Variants in C5 observed in about 807,000 individuals in gnomAD.
C5 encodes complement C5.
In C5, 140 loss-of-function variants were observed where a neutral mutation model predicts 218.8. The observed-to-expected ratio is 0.64, with a 90% CI of 0.56 to 0.74. The LOEUF (loss-of-function observed/expected upper bound fraction) is 0.74, where lower values mean the gene tolerates loss of function less well. C5 is among the 30% of genes least tolerant of loss of function. The probability of loss-of-function intolerance (pLI) is 0.00; values close to 1 mark genes in which losing one functional copy is unlikely to be tolerated. For missense variants in C5, 1,700 were observed against 1,969.6 expected, an observed-to-expected ratio of 0.86 and a Z score of 2.59; for synonymous variants, 614 against 682.3, an observed-to-expected ratio of 0.90 and a Z score of 1.56.
chr9:120,970,135 A>C, intron 32 of C5, 35 bp downstream of exon 32: 1 of 1,428,030 alleles, frequency 7.0e-7, no homozygotes, highest in African/African-American at 1.4e-5. Flanking sequence ...CTTTATTTTT[A>C]GCCAAAATTA....
chr9:120,956,179 A>G (rs1472890783), intron 39 of C5, among the ~76,000 whole-genome samples: 1 of 152,186 alleles, frequency 6.6e-6, no homozygotes. Context: ...CTGTAATCCC[A>G]GCTACTCAGG....
intron 10 of C5, 54 bp downstream of exon 10, chr9:121,023,350 T>A (rs2047383166): frequency 9.0e-7 from 1 of 1,109,784 alleles, no homozygotes; most frequent in African/African-American, 1.5e-5. Flanking sequence ...ATGTTTTCCA[T>A]GAACAGAACA....
chr9:120,997,675 C>T lies in C5; in HGVS notation c.2662G>A (p.Val888Ile). The change falls in exon 21 of 41, where the codon GTA (valine) becomes ATA (isoleucine). Residue 888 changes from valine (V) to isoleucine (I), a missense_variant. Val to Ile is a conservative substitution (Grantham distance 29). Coordinates refer to ENST00000223642, the MANE Select transcript of C5 (RefSeq NM_001735.3). ...TKSSKCVRQK[V>I]EGSSSHLVTF... ...ACCAAGTGACTGGAGGAGCCCTCTACTTTCTGGCGCACACATTTGGAGGAC... is the reference window on the plus strand; with the variant it reads ...ACCAAGTGACTGGAGGAGCCCTCTATTTTCTGGCGCACACATTTGGAGGAC... The T allele has an allele frequency of 6.2e-7, 1 of 1,614,212 alleles. No individual in the cohort carries two copies. Among genetic ancestry groups the T allele is most frequent in the Non-Finnish European group, 8.5e-7 (1 of 1,180,020 alleles).
At chr9:121,059,666 T>C in the C5 span, among the ~76,000 whole-genome samples, 1 of 152,222 alleles carries the variant, frequency 6.6e-6, no homozygotes. This position sits in a 1 kb window ranked among gnomAD's most constrained non-coding sequence, Gnocchi z 4.1. Context: ...ATCTGACCAA[T>C]AGAATACAGC....
Position 120,997,761 on chromosome 9 carries a change from A to T in C5, c.2576T>A (p.Met859Lys). ...RTSGMQFCVK[M>K]SAVEGICTSE... is the part of the protein sequence containing the mutation. ...AGTGCAGATTCCCTCCACAGCAGACATTTTAACACAGAACTGAAATACAAG... is the reference window on the plus strand; with the variant it reads ...AGTGCAGATTCCCTCCACAGCAGACTTTTTAACACAGAACTGAAATACAAG... Residue 859 changes from methionine to lysine, a missense_variant, in exon 21 of 41, where the codon ATG (methionine) becomes AAG (lysine). Coordinates refer to ENST00000223642, the MANE Select transcript of C5 (RefSeq NM_001735.3). 1 of 1,613,690 alleles carries T rather than the reference A, an allele frequency of 6.2e-7. No homozygotes were observed. Among genetic ancestry groups the T allele is most frequent in the Non-Finnish European group, 8.5e-7 (1 of 1,179,832 alleles).
At position 120,962,692 on chromosome 9, in the gene C5, CTG is replaced by C; in HGVS notation, c.4481_4482del (p.Thr1494SerfsTer9). 6.2e-7 allele frequency: 1 copy of C among 1,612,896 alleles called. No individual in the cohort carries two copies. Among genetic ancestry groups the C allele is most frequent in the Non-Finnish European group, 8.5e-7 (1 of 1,178,878 alleles). ...TTACCTGGTCTGTGGTATTCGTACA[CTG>C]TGAAAGTGGCAGGACTGAGAAACCC... ...EVGFLSPATFTVYEYHRPDKQ... is the reference protein window; with the variant it reads ...EVGFLSPATFXVYEYHRPDKQ... On this transcript the variant is annotated frameshift_variant, in exon 36 of 41. Coordinates refer to ENST00000223642, the MANE Select transcript of C5 (RefSeq NM_001735.3). LOFTEE classifies it high-confidence loss of function.
rs146022167 is a variant in C5 at position 120,995,858 on chromosome 9, G to A, written c.2851+382C>T. Among the ~76,000 whole-genome samples, 153 of 141,254 alleles carry A rather than the reference G, an allele frequency of 1.1e-3. 3 individuals carry two copies. The East Asian group carries it at 0.025, about 23-fold the overall frequency. 92.7% of individuals were successfully genotyped at this position (141,254 alleles called of 152,430 possible). On this transcript the variant is annotated intron_variant, in intron 22 of 40. Coordinates refer to ENST00000223642, the MANE Select transcript of C5 (RefSeq NM_001735.3). ...TTTTTTGACACAGTCTTGCTCTGTC[G>A]CCCAGGCTGGAGTGCAGTGGCACGA... is the stretch of plus-strand genomic sequence containing the variant.
chr9:121,053,393 T>C (rs2047682451), upstream of C5, among the ~76,000 whole-genome samples: 1 of 151,962 alleles, frequency 6.6e-6, no homozygotes, highest in South Asian at 2.1e-4. Context: ...CTCCATGGGA[T>C]ATAGAGGAGA....
chr9:120,959,737 G>A (rs1290274871), intron 38 of C5, among the ~76,000 whole-genome samples: 4 of 152,226 alleles, frequency 2.6e-5, no homozygotes, highest in African/African-American at 4.8e-5. Flanking sequence ...AGCTCTAAGC[G>A]CTGGACAACT....
chr9:121,021,295 T>C (rs2131773061), intron 11 of C5, among the ~76,000 whole-genome samples: 1 of 152,226 alleles, frequency 6.6e-6, no homozygotes, highest in East Asian at 1.9e-4. Context: ...AACAATTAAC[T>C]CCCAAATAAA....
chr9:120,985,664 T>C (rs2047027768), intron 25 of C5, among the ~76,000 whole-genome samples: 3 of 152,120 alleles, frequency 2.0e-5, no homozygotes, highest in Non-Finnish European at 4.4e-5. Flanking sequence ...AGATCTAAAG[T>C]AACTAAAAAG....
At position 120,991,271 on chromosome 9, in the gene C5, C is replaced by T. The variant is rs1385061894; in HGVS notation, c.2861G>A (p.Ser954Asn). ...LDPRGIYGTI[S>N]RRKEFPYRIP... is the part of the protein sequence containing the mutation. The stretch of plus-strand genomic sequence containing the variant: ...CCTGTATGGGAACTCCTTTCGTCTG[C>T]TAATGGTACCTGTAATTTAGAAAAT... The change falls in exon 23 of 41, where the codon AGC (serine) becomes AAC (asparagine). Residue 954 changes from serine to asparagine, a missense_variant. By Grantham distance (46) the Ser-to-Asn change is conservative. Transcript: ENST00000223642. 7 of 1,598,320 alleles carry T rather than the reference C, an allele frequency of 4.4e-6. No homozygotes were observed. The highest frequency in any genetic ancestry group is 2.2e-5 in the East Asian group (1 of 44,752).
chr9:121,064,796 C>T, the C5 span, among the ~76,000 whole-genome samples: 23 of 152,194 alleles, frequency 1.5e-4, no homozygotes, highest in African/African-American at 5.6e-4. Flanking sequence ...CACAGCAGCT[C>T]ATGCCTGTAA....
chr9:121,066,039 G>C, the C5 span, among the ~76,000 whole-genome samples: 1 of 152,112 alleles, frequency 6.6e-6, no homozygotes, highest in African/African-American at 2.4e-5. Context: ...AACAGGTTGG[G>C]CGCGGTGTCT....
intron 20 of C5, among the ~76,000 whole-genome samples, chr9:120,998,417 T>G (rs2047135425): frequency 6.6e-6 from 1 of 152,262 alleles, no homozygotes; most frequent in Admixed American, 6.5e-5. Context: ...TTTCAGATAG[T>G]GGGAGCCTTA....
the C5 span, among the ~76,000 whole-genome samples, chr9:121,073,225 T>A: frequency 6.6e-6 from 1 of 152,236 alleles, no homozygotes; most frequent in African/African-American, 2.4e-5. Flanking sequence ...TCCATACTCA[T>A]GTTTTGTTCC....
At chr9:121,007,089 A>T in intron 18 of C5, 112 bp from the exon 19 acceptor site, 1 of 756,062 alleles carries the variant, frequency 1.3e-6, no homozygotes, top group African/African-American at 1.7e-5. Flanking sequence ...GAAAGAAAAA[A>T]ATTCACGAGA....
At chr9:120,954,935 C>T (rs1159072089) in intron 39 of C5, among the ~76,000 whole-genome samples, 1 of 152,176 alleles carries the variant, frequency 6.6e-6, no homozygotes, top group Non-Finnish European at 1.5e-5. Flanking sequence ...TCATAGTAAG[C>T]AGTGTAGCTG....
intron 1 of C5, among the ~76,000 whole-genome samples, chr9:121,049,863 C>A (rs1188945370): frequency 6.6e-6 from 1 of 152,078 alleles, no homozygotes; most frequent in Non-Finnish European, 1.5e-5. Context: ...ACAAAGAAAA[C>A]TAAACACCAA....
Sources: allele counts gnomAD v4.1 joint callset (sites outside exome capture counted in the v4.1 genomes callset), GRCh38; gene constraint gnomAD v4.1.1; non-coding constraint Gnocchi (gnomAD v3.1); transcripts MANE v1.5; gene names NCBI Gene and HGNC (gene_info 2026-07-23, HGNC 2026-07-21).